STAB2: variants seen among roughly 807,000 people sequenced by gnomAD.
The protein encoded by STAB2 is stabilin-2.
STAB2 carries 288 observed loss-of-function variants against 338.1 expected under a neutral mutation model. The ratio of observed to expected loss-of-function variants is 0.85; its 90% CI spans 0.77 to 0.94. The LOEUF (loss-of-function observed/expected upper bound fraction) is 0.94. Ranked by LOEUF, STAB2 falls within the 40% of genes least tolerant of loss-of-function variation. The pLI, the probability that STAB2 is intolerant of heterozygous loss-of-function variation, is 0.00. For synonymous variants in STAB2, 1,202 were observed against 1,193.3 expected (o/e 1.01, Z -0.15); for missense variants, 3,141 against 3,210.1 (o/e 0.98, Z 0.52).
chr12:103,648,364 C>T (rs1313097439), intron 9 of STAB2, among the ~76,000 whole-genome samples: 3 of 152,020 alleles, frequency 2.0e-5, no homozygotes, highest in Non-Finnish European at 4.4e-5. Flanking sequence ...GCCCTAGGGT[C>T]CACATTTATT....
chr12:103,733,259 C>A, intron 51 of STAB2, 77 bp downstream of exon 51: 1 of 1,532,574 alleles, frequency 6.5e-7, no homozygotes, highest in Non-Finnish European at 8.9e-7. Context: ...GGCATTGTGG[C>A]CTAGGAACTG....
At position 103,748,940 on chromosome 12, in the gene STAB2, C is replaced by A. The variant is rs771400922; in HGVS notation, c.6245-23C>A. Reference sequence around the variant, plus strand: ...GTTCCACAGAAGGTGGTAAGTTGAGCCCTCTCTCCTCTGCTCTTGCAGTTG... The same window carrying A: ...GTTCCACAGAAGGTGGTAAGTTGAGACCTCTCTCCTCTGCTCTTGCAGTTG... On this transcript the variant is annotated intron_variant, in intron 58 of 68. Transcript: ENST00000388887. 3.1e-6 allele frequency: 5 copies of A among 1,601,160 alleles called. No individual in the cohort carries two copies. The South Asian group carries it at 5.6e-5, about 18-fold the overall frequency.
intron 6 of STAB2, among the ~76,000 whole-genome samples, chr12:103,633,595 T>A (rs1245398408): frequency 6.6e-6 from 1 of 152,090 alleles, no homozygotes; most frequent in East Asian, 1.9e-4. Context: ...CCCGGGAGAA[T>A]CGCTCGAACC....
intron 5 of STAB2, among the ~76,000 whole-genome samples, chr12:103,627,417 C>A (rs1471543117): frequency 6.6e-6 from 1 of 152,206 alleles, no homozygotes; most frequent in Non-Finnish European, 1.5e-5. Context: ...GTCACAGGAG[C>A]ATACCATCCC....
intron 22 of STAB2, 65 bp downstream of exon 22, chr12:103,670,872 G>C: frequency 7.3e-7 from 1 of 1,361,802 alleles, no homozygotes; most frequent in Non-Finnish European, 1.0e-6. Flanking sequence ...CTGCAGCAGG[G>C]TGCTGGTGCA....
At chr12:103,687,255 C>G (rs1266436677) in intron 27 of STAB2, among the ~76,000 whole-genome samples, 1 of 151,986 alleles carries the variant, frequency 6.6e-6, no homozygotes, top group East Asian at 1.9e-4. Flanking sequence ...AGTGACTTGC[C>G]CAAGATCACA....
At chr12:103,677,694 G>T (rs1876516740) in intron 25 of STAB2, 83 bp downstream of exon 25, 1 of 1,491,166 alleles carries the variant, frequency 6.7e-7, no homozygotes, top group Admixed American at 2.0e-5. Context: ...GAAGTACTTT[G>T]GCTAGAACTT....
At chr12:103,652,417 T>C (rs1439283581) in intron 11 of STAB2, 139 bp from the exon 12 acceptor site, 2 of 639,798 alleles carry the variant, frequency 3.1e-6, no homozygotes, top group African/African-American at 1.9e-5. Flanking sequence ...AGTGCTTTCA[T>C]GCATTTGTAT....
chr12:103,711,142 C>T (rs768335813), intron 39 of STAB2, among the ~76,000 whole-genome samples: 18 of 152,028 alleles, frequency 1.2e-4, no homozygotes, highest in Non-Finnish European at 1.3e-4. Context: ...AATCAAAACC[C>T]AGAAGAGGGG....
At chr12:103,617,518 A>C (rs1016007579) in intron 3 of STAB2, among the ~76,000 whole-genome samples, 3 of 152,232 alleles carry the variant, frequency 2.0e-5, no homozygotes, top group African/African-American at 7.2e-5. Flanking sequence ...AGAGTCAGGC[A>C]TTGACTTTGC....
chr12:103,631,693 CG>C lies in STAB2; in HGVS notation c.583+1del, dbSNP rs1565973292. On this transcript the variant is annotated splice_donor_variant, in intron 6 of 68. Transcript: ENST00000388887. LOFTEE classifies it high-confidence loss of function. ...GTACACTGGCCCCAAGTGTGACAAG[CG>C]TAAGTACTGCTAGTTCCCTTAATGC... The C allele has an allele frequency of 6.2e-7, 1 of 1,613,964 alleles. No individual in the cohort carries two copies.
chr12:103,755,483 A>C lies in STAB2; in HGVS notation c.6880+16A>C. The C allele has an allele frequency of 6.2e-7, 1 of 1,612,716 alleles. No individual in the cohort carries two copies. Among genetic ancestry groups the C allele is most frequent in the Non-Finnish European group, 8.5e-7 (1 of 1,178,976 alleles). On this transcript the variant is annotated intron_variant, in intron 62 of 68. Coordinates refer to ENST00000388887, the MANE Select transcript of STAB2 (RefSeq NM_017564.10). ...CGGATGAAAGGTAACCGCCCCAGCT[A>C]CACTTCAGGTTCTGGGCCACACAGC... is the stretch of plus-strand genomic sequence containing the variant.
intron 6 of STAB2, among the ~76,000 whole-genome samples, chr12:103,633,946 C>T (rs1356896672): frequency 6.6e-6 from 1 of 152,052 alleles, no homozygotes; most frequent in Non-Finnish European, 1.5e-5. Flanking sequence ...TTCTGTGTCC[C>T]CAATTCTAAG....
intron 61 of STAB2, among the ~76,000 whole-genome samples, chr12:103,754,436 A>G (rs1204884100): frequency 6.6e-6 from 1 of 152,112 alleles, no homozygotes; most frequent in Non-Finnish European, 1.5e-5. Flanking sequence ...TCTCAATTGT[A>G]TAAGGATTTA....
intron 46 of STAB2, 84 bp downstream of exon 46, chr12:103,726,247 G>T: frequency 1.4e-6 from 2 of 1,456,402 alleles, no homozygotes; most frequent in South Asian, 2.4e-5. Context: ...CCAACACTTT[G>T]GGAGGCCAAG....
At chr12:103,665,747 C>A (rs1480899658) in intron 18 of STAB2, among the ~76,000 whole-genome samples, 1 of 151,966 alleles carries the variant, frequency 6.6e-6, no homozygotes, top group Non-Finnish European at 1.5e-5. Flanking sequence ...GGGCACAGAG[C>A]CAGATGGAGA....
chr12:103,589,879 G>T (rs576403850), intron 1 of STAB2, among the ~76,000 whole-genome samples: 3 of 152,270 alleles, frequency 2.0e-5, no homozygotes, highest in African/African-American at 7.2e-5. Context: ...TCATTTAAAG[G>T]TCTCAATAAC....
chr12:103,742,670 C>A (rs1437644379), intron 56 of STAB2, 116 bp downstream of exon 56: 3 of 1,482,642 alleles, frequency 2.0e-6, no homozygotes, highest in Admixed American at 1.9e-5. Context: ...CTCAGCCACA[C>A]CCCTCCAATC....
At position 103,638,172 on chromosome 12, in the gene STAB2, C is replaced by T. The variant is rs1325900743; in HGVS notation, c.866C>T (p.Pro289Leu). The T allele has an allele frequency of 6.2e-7, 1 of 1,614,178 alleles. No homozygotes were observed. Among genetic ancestry groups the T allele is most frequent in the Non-Finnish European group, 8.5e-7 (1 of 1,180,020 alleles). ...DPCQINFGNCPTKSTVCKYDG... is the reference protein window; with the variant it reads ...DPCQINFGNCLTKSTVCKYDG... ...TGCCAAATTAACTTTGGAAACTGCC[C>T]TACAAAGTCTACAGTGTGCAAATAT... Residue 289 changes from proline (P) to leucine (L), a missense_variant, in exon 8 of 69, where the codon CCT (proline) becomes CTT (leucine). Physicochemically the swap from Pro to Leu is moderately conservative, Grantham distance 98. Coordinates refer to ENST00000388887, the MANE Select transcript of STAB2 (RefSeq NM_017564.10).
Sources: gnomAD v4.1 joint callset for allele counts (sites outside exome capture counted in the v4.1 genomes callset) on GRCh38, gnomAD v4.1.1 for gene constraint, MANE v1.5 for transcripts, NCBI Gene and HGNC (gene_info 2026-07-23, HGNC 2026-07-21) for gene names.